CDK6: variants seen among roughly 807,000 people sequenced by gnomAD.
CDK6 encodes cyclin dependent kinase 6, also known as cyclin-dependent kinase 6.
In CDK6, 6 loss-of-function variants were observed where a neutral mutation model predicts 37.1. The observed-to-expected ratio is 0.16, with a 90% CI of 0.09 to 0.32. The LOEUF is 0.32. Among genes scored for constraint, CDK6 ranks in the 10% least tolerant of loss-of-function variants. The pLI is 1.00. For missense variants in CDK6, 224 were observed against 418.9 expected, an observed-to-expected ratio of 0.53 and a Z score of 4.06; for synonymous variants, 160 against 161.3, an observed-to-expected ratio of 0.99 and a Z score of 0.06.
chr7:92,778,605 T>A (rs1799906028), intron 2 of CDK6, among the ~76,000 whole-genome samples: 1 of 152,156 alleles, frequency 6.6e-6, no homozygotes, highest in African/African-American at 2.4e-5. Context: ...TAAATCCACA[T>A]ACTTGGACAA....
chr7:92,672,188 C>CAA (rs1797097034), intron 4 of CDK6, among the ~76,000 whole-genome samples: 1 of 96,796 alleles, frequency 1.0e-5, no homozygotes, highest in Non-Finnish European at 2.0e-5. Flanking sequence ...CACACAGACA[C>CAA]ATACACACAC....
intron 2 of CDK6, among the ~76,000 whole-genome samples, chr7:92,780,858 G>A (rs1164186800): frequency 6.6e-6 from 1 of 151,298 alleles, no homozygotes; most frequent in African/African-American, 2.4e-5. Context: ...ACAACTGCAT[G>A]ATTCCTTATA....
intron 2 of CDK6, among the ~76,000 whole-genome samples, chr7:92,811,344 T>C (rs1456510002): frequency 1.3e-5 from 2 of 152,132 alleles, no homozygotes; most frequent in Non-Finnish European, 2.9e-5. Context: ...AACATCGTTT[T>C]AGTCCCTTCA....
chr7:92,616,087 C>T (rs1399558417), intron 7 of CDK6, among the ~76,000 whole-genome samples: 6 of 152,104 alleles, frequency 3.9e-5, no homozygotes, highest in Non-Finnish European at 8.8e-5. Flanking sequence ...AGTAAGACCT[C>T]CTCATTGCCA....
intron 5 of CDK6, among the ~76,000 whole-genome samples, chr7:92,628,206 G>A (rs1230494852): frequency 6.6e-6 from 1 of 152,018 alleles, no homozygotes; most frequent in African/African-American, 2.4e-5. Flanking sequence ...CACTTTGGAT[G>A]GTGAGATGAT....
chr7:92,774,940 T>C lies in CDK6; in HGVS notation c.234-109A>G, dbSNP rs1378783402. The C allele has an allele frequency of 3.2e-6, 3 of 942,358 alleles. No homozygotes were observed. In the African/African-American group the frequency reaches 5.2e-5, roughly 16 times the overall value. The allele number at this position is 942,358 out of a possible 1,614,324, so 58.4% of individuals were successfully genotyped here. ...TCTCATAATAGAAAAAAAAGGCCAG[T>C]GTTGATCATTTCTTGTGATCATATG... is the stretch of plus-strand genomic sequence containing the variant. On this transcript the variant is annotated intron_variant, in intron 2 of 7. Transcript: ENST00000424848.
chr7:92,660,544 A>G (rs985768201), intron 5 of CDK6, among the ~76,000 whole-genome samples: 3 of 152,238 alleles, frequency 2.0e-5, no homozygotes, highest in African/African-American at 4.8e-5. Context: ...CACCAGTCTT[A>G]GCAAGATTTT....
chr7:92,722,470 A>G (rs1445327095), intron 4 of CDK6, among the ~76,000 whole-genome samples: 2 of 152,232 alleles, frequency 1.3e-5, no homozygotes, highest in South Asian at 2.1e-4. Flanking sequence ...GTTTGCGTCA[A>G]CTTTTCACTC....
intron 2 of CDK6, among the ~76,000 whole-genome samples, chr7:92,813,090 C>G (rs943040459): frequency 1.2e-4 from 19 of 152,028 alleles, no homozygotes; most frequent in African/African-American, 3.6e-4. Flanking sequence ...CAACAGTGGC[C>G]AAGAAAATAT....
chr7:92,661,278 A>G (rs1337263697), intron 5 of CDK6, among the ~76,000 whole-genome samples: 1 of 152,156 alleles, frequency 6.6e-6, no homozygotes, highest in African/African-American at 2.4e-5. Context: ...TCAAATAGGG[A>G]TGACAACAGT....
Position 92,612,436 on chromosome 7 carries a change from T to C in CDK6, c.*2704A>G. 2 of 233,174 alleles carry C rather than the reference T, an allele frequency of 8.6e-6. No homozygotes were observed. Among genetic ancestry groups the C allele is most frequent in the Non-Finnish European group, 8.5e-6 (1 of 117,970 alleles). The allele number at this position is 233,174 out of a possible 1,614,324, so 14.4% of individuals were successfully genotyped here. A position where few individuals can be genotyped will look rare whatever the true frequency, so the allele number is the denominator to read the frequency against. ...CTTCAAAATGCCCTAACGGCAAGAC[T>C]GCTTGTGTTGGATCTGGATTTCAGA... On this transcript the variant is annotated 3_prime_UTR_variant, in exon 8 of 8. Coordinates refer to ENST00000424848, the MANE Select transcript of CDK6 (RefSeq NM_001145306.2).
At chr7:92,672,556 G>A (rs1487585459) in intron 4 of CDK6, among the ~76,000 whole-genome samples, 1 of 150,896 alleles carries the variant, frequency 6.6e-6, no homozygotes, top group East Asian at 2.0e-4. Flanking sequence ...CAGGTTGAGG[G>A]CTGAAGAAAG....
At chr7:92,707,973 C>G (rs1241257889) in intron 4 of CDK6, among the ~76,000 whole-genome samples, 1 of 152,126 alleles carries the variant, frequency 6.6e-6, no homozygotes, top group East Asian at 1.9e-4. Context: ...AATCCTCAAA[C>G]TGAACAGACT....
chr7:92,679,516 A>G (rs554517658), intron 4 of CDK6, among the ~76,000 whole-genome samples: 1 of 152,330 alleles, frequency 6.6e-6, no homozygotes, highest in South Asian at 2.1e-4. Context: ...CAGGAATATA[A>G]ATATAATCTT....
Position 92,614,406 on chromosome 7 carries a change from T to C in CDK6, c.*734A>G. ...CTTACAACAAGTAAATTCAGCATTC[T>C]GAAGACTAAATAGAATGCATGCACA... On this transcript the variant is annotated 3_prime_UTR_variant, in exon 8 of 8. Transcript: ENST00000424848. 4.3e-6 allele frequency: 1 copy of C among 233,100 alleles called. No homozygotes were observed. The highest frequency in any genetic ancestry group is 8.5e-6 in the Non-Finnish European group (1 of 117,960). The allele number at this position is 233,100 out of a possible 1,614,324, so 14.4% of individuals were successfully genotyped here. A position where few individuals can be genotyped will look rare whatever the true frequency, so the allele number is the denominator to read the frequency against.
chr7:92,785,145 A>G (rs1300964412), intron 2 of CDK6, among the ~76,000 whole-genome samples: 2 of 152,224 alleles, frequency 1.3e-5, no homozygotes, highest in African/African-American at 2.4e-5. Context: ...ATGTCCATCA[A>G]CTGATGAATG....
At chr7:92,623,272 T>A (rs1316833753) in intron 5 of CDK6, among the ~76,000 whole-genome samples, 186 bp from the exon 6 acceptor site, 1 of 152,164 alleles carries the variant, frequency 6.6e-6, no homozygotes, top group Non-Finnish European at 1.5e-5. Flanking sequence ...TGGGTTAGGA[T>A]CTCTCATGAA....
At chr7:92,670,753 C>T (rs766514372) in intron 5 of CDK6, among the ~76,000 whole-genome samples, 3 of 152,250 alleles carry the variant, frequency 2.0e-5, no homozygotes, top group Admixed American at 6.5e-5. Context: ...GAGGTCCAGC[C>T]TCTTCTTAGA....
intron 3 of CDK6, among the ~76,000 whole-genome samples, chr7:92,750,372 T>G (rs1399666208): frequency 6.6e-6 from 1 of 152,192 alleles, no homozygotes; most frequent in Non-Finnish European, 1.5e-5. Flanking sequence ...CTGATTTGTG[T>G]ATAAGTGATA....
Sources: allele counts gnomAD v4.1 joint callset (sites outside exome capture counted in the v4.1 genomes callset), GRCh38; gene constraint gnomAD v4.1.1; transcripts MANE v1.5; gene names NCBI Gene and HGNC (gene_info 2026-07-23, HGNC 2026-07-21).